Variants in GABRR1 observed in about 807,000 individuals in gnomAD.
The protein encoded by GABRR1 is gamma-aminobutyric acid receptor subunit rho-1.
Under a neutral mutation model 55.5 loss-of-function variants are expected in GABRR1, and 59 were observed. The observed-to-expected ratio is 1.06, with a 90% CI of 0.86 to 1.32. The LOEUF (loss-of-function observed/expected upper bound fraction) is 1.32. Ranked by LOEUF, GABRR1 falls within the 40% of genes most tolerant of loss-of-function variation. GABRR1 has a pLI of 0.00. For missense variants in GABRR1, 602 were observed against 619.1 expected (o/e 0.97, Z 0.29); for synonymous variants, 213 against 226.0 (o/e 0.94, Z 0.51).
upstream of GABRR1, among the ~76,000 whole-genome samples, chr6:89,218,698 T>C (rs545067231): frequency 1.8e-4 from 28 of 152,214 alleles, no homozygotes; most frequent in Admixed American, 2.0e-4. Context: ...GAGAATAATG[T>C]TCATTTAACG....
intron 1 of GABRR1, chr6:89,204,779 C>A: frequency 3.4e-6 from 2 of 588,950 alleles, no homozygotes; most frequent in South Asian, 2.3e-5. Flanking sequence ...TTCCTGTTTA[C>A]ATGCCCATGT....
In GABRR1 at chr6:89,202,307, G is replaced by GTTTT. The variant is rs963101439; in HGVS notation, c.174-1046_174-1043dup. 9.6e-5 allele frequency among the ~76,000 whole-genome samples: 14 copies of GTTTT among 145,396 alleles called. 4 individuals carry two copies. Among genetic ancestry groups the GTTTT allele is most frequent in the Non-Finnish European group, 1.7e-4 (11 of 63,738 alleles). On this transcript the variant is annotated intron_variant, in intron 2 of 9. Coordinates refer to ENST00000454853, the MANE Select transcript of GABRR1 (RefSeq NM_002042.5). ...TTTTTGTTTGTTTGTTTGTTTGTTT[G>GTTTT]TTTTGAGACAGTCTCACTGTGTCAC...
intron 2 of GABRR1, among the ~76,000 whole-genome samples, chr6:89,201,727 C>A (rs1249254691): frequency 6.7e-6 from 1 of 150,246 alleles, no homozygotes. Flanking sequence ...TGCAGTGAGC[C>A]GAGATTGCAC....
chr6:89,201,019 G>A (rs997859472), intron 3 of GABRR1, 140 bp downstream of exon 3: 12 of 660,058 alleles, frequency 1.8e-5, no homozygotes, highest in Non-Finnish European at 2.5e-5. Flanking sequence ...TGTACTGTGG[G>A]CTCGATGTCT....
intron 7 of GABRR1, among the ~76,000 whole-genome samples, chr6:89,183,970 TG>T (rs1771812241): frequency 6.6e-6 from 1 of 152,176 alleles, no homozygotes; most frequent in African/African-American, 2.4e-5. Context: ...CTGGGCGCAG[TG>T]GTTCATGCCT....
intron 7 of GABRR1, among the ~76,000 whole-genome samples, chr6:89,184,877 T>TTTTCTTTC (rs201499128): frequency 7.0e-6 from 1 of 143,358 alleles, no homozygotes; most frequent in Non-Finnish European, 1.5e-5. Context: ...CTTTAGTTTC[T>TTTTCTTTC]TTTCTTTCTT....
intron 6 of GABRR1, among the ~76,000 whole-genome samples, chr6:89,187,711 C>T (rs888617313): frequency 2.0e-5 from 3 of 152,218 alleles, no homozygotes; most frequent in Admixed American, 2.0e-4. Flanking sequence ...TTAAAAGTGA[C>T]ATCATACAGT....
chr6:89,211,656 G>A lies in GABRR1; in HGVS notation c.122+5545C>T, dbSNP rs141525394. ...ACCTTGCTAGAACACCTTCCTAGTCGGAAGGTCTCTGATGGCACAGCCTGC... is the reference window on the plus strand; with the variant it reads ...ACCTTGCTAGAACACCTTCCTAGTCAGAAGGTCTCTGATGGCACAGCCTGC... On this transcript the variant is annotated intron_variant, in intron 1 of 9. Coordinates refer to ENST00000454853, the MANE Select transcript of GABRR1 (RefSeq NM_002042.5). 4.7e-3 allele frequency among the ~76,000 whole-genome samples: 721 copies of A among 152,164 alleles called. 3 individuals carry two copies. Among genetic ancestry groups the A allele is most frequent in the African/African-American group, 0.016 (647 of 41,510 alleles).
chr6:89,198,406 C>T (rs551794234), intron 4 of GABRR1, among the ~76,000 whole-genome samples, 163 bp from the exon 5 acceptor site: 130 of 135,360 alleles, frequency 9.6e-4, no homozygotes, highest in Admixed American at 3.6e-3. Context: ...AGGAAGAGAA[C>T]GCTGCAGGGG....
chr6:89,179,366 C>T (rs1771646902), intron 9 of GABRR1, among the ~76,000 whole-genome samples: 1 of 152,104 alleles, frequency 6.6e-6, no homozygotes, highest in African/African-American at 2.4e-5. Context: ...ATTACAGATG[C>T]ACACCACCAT....
At chr6:89,190,880 C>T (rs453503) in intron 5 of GABRR1, among the ~76,000 whole-genome samples, 37,055 of 152,062 alleles carry the variant, frequency 0.24, 5,022 homozygotes, top group East Asian at 0.62. Context: ...TCAGAATTTA[C>T]ACTGGGAAAG....
chr6:89,194,336 G>A (rs374425515), intron 5 of GABRR1, among the ~76,000 whole-genome samples: 5 of 152,190 alleles, frequency 3.3e-5, no homozygotes, highest in African/African-American at 4.8e-5. Context: ...TTACTGGAGC[G>A]AGGCGAACCT....
Position 89,186,163 on chromosome 6 carries a change from T to C in GABRR1, c.656-713A>G, listed in dbSNP as rs1391006955. ...GCCTGTTGATGTGTAAACAGTTCCT[T>C]CCAGGGGTCCCTGGGACTATTTTAT... On this transcript the variant is annotated intron_variant, in intron 6 of 9. Transcript: ENST00000454853. Among the ~76,000 whole-genome samples, 3 of 152,234 alleles carry C rather than the reference T, an allele frequency of 2.0e-5. No homozygotes were observed. In the East Asian group the frequency reaches 5.8e-4, roughly 29 times the overall value.
chr6:89,196,685 G>C (rs1431336526), intron 5 of GABRR1, among the ~76,000 whole-genome samples: 1 of 151,978 alleles, frequency 6.6e-6, no homozygotes, highest in East Asian at 1.9e-4. Context: ...GCTGAGGTCA[G>C]ATTACTGCTT....
chr6:89,210,929 A>C (rs1772815980), intron 1 of GABRR1, among the ~76,000 whole-genome samples: 1 of 152,076 alleles, frequency 6.6e-6, no homozygotes, highest in South Asian at 2.1e-4. Context: ...GCAGGGGGTG[A>C]GGGAAGGCCA....
In GABRR1 at chr6:89,185,333, T is replaced by TTGG. The variant is rs1562285313; in HGVS notation, c.770_772dup (p.Thr257dup). Reference sequence around the variant, plus strand: ...ACCTGTGCTGCTGTAGAAAGCCAGTTTGGTGGTGGTGTGGAATTCCTGAAT... The same window carrying TTGG: ...ACCTGTGCTGCTGTAGAAAGCCAGTTTGGTGGTGGTGGTGTGGAATTCCTGAAT... On this transcript the variant is annotated inframe_insertion, in exon 7 of 10. Transcript: ENST00000454853. 6.2e-7 allele frequency: 1 copy of TTGG among 1,613,868 alleles called. No individual in the cohort carries two copies. The highest frequency in any genetic ancestry group is 1.3e-5 in the African/African-American group (1 of 75,000).
chr6:89,178,492 T>C lies in GABRR1; in HGVS notation c.*278A>G, dbSNP rs115863602. The C allele has an allele frequency of 3.0e-3, 1,325 of 437,666 alleles. 11 individuals are homozygous for C. The highest frequency in any genetic ancestry group is 0.024 in the African/African-American group (1,185 of 50,374). 27.1% of individuals were successfully genotyped at this position (437,666 alleles called of 1,614,324 possible). On this transcript the variant is annotated 3_prime_UTR_variant, in exon 10 of 10. Transcript: ENST00000454853. The stretch of plus-strand genomic sequence containing the variant: ...TGCCCACAACACTGGTAGTGTGCTT[T>C]TCCAGGGGATCTGGGTAACAACTAA...
intron 1 of GABRR1, among the ~76,000 whole-genome samples, chr6:89,224,472 C>G (rs1773165669): frequency 6.6e-6 from 1 of 152,156 alleles, no homozygotes; most frequent in South Asian, 2.1e-4. Context: ...ATTTGTATGT[C>G]TTCTTTTGAG....
intron 4 of GABRR1, among the ~76,000 whole-genome samples, 161 bp downstream of exon 4, chr6:89,199,201 G>A (rs1772389023): frequency 6.6e-6 from 1 of 152,130 alleles, no homozygotes; most frequent in African/African-American, 2.4e-5. Flanking sequence ...CCAATTGGGT[G>A]GCTTTGGGCA....
Sources: allele counts gnomAD v4.1 joint callset (sites outside exome capture counted in the v4.1 genomes callset), GRCh38; gene constraint gnomAD v4.1.1; transcripts MANE v1.5; gene names NCBI Gene and HGNC (gene_info 2026-07-23, HGNC 2026-07-21).